The following NPAS3 variants were observed in gnomAD, a reference collection of about 807,000 sequenced individuals.
NPAS3 encodes the protein neuronal PAS domain-containing protein 3.
NPAS3 carries 14 observed loss-of-function variants against 73.1 expected under a neutral mutation model. The ratio of observed to expected loss-of-function variants is 0.19; its 90% CI spans 0.13 to 0.30. The LOEUF is 0.30. Ranked by LOEUF, NPAS3 falls within the 10% of genes least tolerant of loss-of-function variation. The pLI is 1.00. For synonymous variants in NPAS3, 620 were observed against 541.5 expected, an observed-to-expected ratio of 1.14 and a Z score of -2.01; for missense variants, 1,096 against 1,250.0, an observed-to-expected ratio of 0.88 and a Z score of 1.86.
At chr14:33,216,889 G>A (rs558249334) in intron 3 of NPAS3, among the ~76,000 whole-genome samples, 18 of 152,104 alleles carry the variant, frequency 1.2e-4, no homozygotes, top group South Asian at 2.1e-4. Flanking sequence ...AGGCACATTC[G>A]AGTTGTCCTT....
chr14:33,175,937 A>G (rs1348596329), intron 2 of NPAS3, among the ~76,000 whole-genome samples: 3 of 152,188 alleles, frequency 2.0e-5, no homozygotes, highest in African/African-American at 7.2e-5. Context: ...AAAAAAATCA[A>G]AAGTTACTTA....
At chr14:33,318,108 A>G (rs989780245) in intron 3 of NPAS3, among the ~76,000 whole-genome samples, 3 of 152,050 alleles carry the variant, frequency 2.0e-5, no homozygotes, top group Non-Finnish European at 2.9e-5. Context: ...TCATTGACAG[A>G]TGAATAGAAT....
chr14:33,221,870 G>A (rs929800523), intron 3 of NPAS3, among the ~76,000 whole-genome samples: 3 of 151,838 alleles, frequency 2.0e-5, no homozygotes, highest in South Asian at 2.1e-4. Context: ...ACTTTTCCTC[G>A]CCTATCACAA....
At chr14:33,470,920 T>C (rs2050750239) in intron 4 of NPAS3, among the ~76,000 whole-genome samples, 2 of 144,238 alleles carry the variant, frequency 1.4e-5, no homozygotes, top group Non-Finnish European at 3.0e-5. Flanking sequence ...ATGCGGGATT[T>C]GTAGAGCATA....
At chr14:33,220,528 T>C (rs1374957296) in intron 3 of NPAS3, among the ~76,000 whole-genome samples, 4 of 152,218 alleles carry the variant, frequency 2.6e-5, no homozygotes, top group Admixed American at 2.6e-4. Context: ...TTTATCTTAC[T>C]TTATTTTACA....
At chr14:33,301,322 ATTT>A (rs56242001) in intron 3 of NPAS3, among the ~76,000 whole-genome samples, 6 of 99,686 alleles carry the variant, frequency 6.0e-5, no homozygotes, top group South Asian at 2.9e-4. Flanking sequence ...ATATATATAT[ATTT>A]TTTTTTTTTA....
chr14:33,298,459 C>A (rs1350819148), intron 3 of NPAS3, among the ~76,000 whole-genome samples: 1 of 152,158 alleles, frequency 6.6e-6, no homozygotes, highest in Non-Finnish European at 1.5e-5. Context: ...TTAGAGACTC[C>A]TCTTTGTGAC....
Position 33,436,901 on chromosome 14 carries a change from A to T in NPAS3, c.468+69633A>T, listed in dbSNP as rs561869306. ...AAAACAACAACTCTTCCTTATTGAA[A>T]TTCTAGCTGTTGTGCCTTAATTTCC... On this transcript the variant is annotated intron_variant, in intron 4 of 11. Coordinates refer to ENST00000356141, the Ensembl canonical transcript of NPAS3. Among the ~76,000 whole-genome samples, 4 of 152,284 alleles carry T rather than the reference A, an allele frequency of 2.6e-5. No homozygotes were observed. In the South Asian group the frequency reaches 8.3e-4, roughly 32 times the overall value.
chr14:33,087,547 T>G (rs1454978552), intron 2 of NPAS3, among the ~76,000 whole-genome samples: 1 of 152,132 alleles, frequency 6.6e-6, no homozygotes, highest in Non-Finnish European at 1.5e-5. Context: ...GGAAATTCAT[T>G]TGTATTGGCT....
chr14:33,200,856 C>G (rs2046587447), intron 2 of NPAS3, among the ~76,000 whole-genome samples: 1 of 152,154 alleles, frequency 6.6e-6, no homozygotes, highest in South Asian at 2.1e-4. Flanking sequence ...CAGTGAGATC[C>G]AGTTTCCACT....
chr14:32,964,792 T>C (rs1412732734), intron 1 of NPAS3, among the ~76,000 whole-genome samples: 1 of 148,876 alleles, frequency 6.7e-6, no homozygotes, highest in South Asian at 2.2e-4. Flanking sequence ...TTGGGCAACA[T>C]AGCAAGACCC....
chr14:33,294,840 A>G lies in NPAS3; in HGVS notation c.386-72346A>G, dbSNP rs143882695. On this transcript the variant is annotated intron_variant, in intron 3 of 11. Coordinates refer to ENST00000356141, the Ensembl canonical transcript of NPAS3. ...GAGGGAGAGAGCTTTGGCAGATATC[A>G]GTGATGAGCATGACCTCAGATGGTC... 4.2e-3 allele frequency among the ~76,000 whole-genome samples: 638 copies of G among 152,276 alleles called. 7 individuals carry two copies. The highest frequency in any genetic ancestry group is 0.014 in the African/African-American group (577 of 41,552).
chr14:33,774,289 C>G (rs1274710859), intron 7 of NPAS3, 48 bp from the exon 8 acceptor site: 1 of 1,461,692 alleles, frequency 6.8e-7, no homozygotes, highest in African/African-American at 1.4e-5. Context: ...GCTGTTATAT[C>G]TGGGATGTAA....
intron 4 of NPAS3, among the ~76,000 whole-genome samples, chr14:33,545,337 C>A (rs1338083237): frequency 2.0e-5 from 3 of 152,158 alleles, no homozygotes; most frequent in African/African-American, 7.2e-5. Flanking sequence ...AGACATTCTT[C>A]CTAAATCAGG....
At chr14:33,328,058 A>G (rs1310982783) in intron 3 of NPAS3, among the ~76,000 whole-genome samples, 11 of 152,180 alleles carry the variant, frequency 7.2e-5, no homozygotes. Context: ...TTCTATTGGC[A>G]CTGGAAATAA....
At chr14:33,205,210 T>C (rs372996459) in intron 2 of NPAS3, among the ~76,000 whole-genome samples, 1 of 152,212 alleles carries the variant, frequency 6.6e-6, no homozygotes, top group African/African-American at 2.4e-5. Flanking sequence ...AATTGTATGA[T>C]CTCAACACAT....
chr14:33,159,571 T>TTTTTTA (rs2044775216), intron 2 of NPAS3, among the ~76,000 whole-genome samples: 2 of 150,336 alleles, frequency 1.3e-5, no homozygotes, highest in Admixed American at 6.6e-5. Context: ...TTTTTTTTTT[T>TTTTTTA]GAGATGGAGT....
chr14:33,367,674 G>A (rs1460139983), intron 4 of NPAS3, among the ~76,000 whole-genome samples: 2 of 149,700 alleles, frequency 1.3e-5, no homozygotes, highest in African/African-American at 2.5e-5. Context: ...TTTTTGTGTC[G>A]CCAAATTTCA....
At chr14:33,327,131 A>G (rs2043744513) in intron 3 of NPAS3, among the ~76,000 whole-genome samples, 1 of 152,228 alleles carries the variant, frequency 6.6e-6, no homozygotes, top group South Asian at 2.1e-4. Context: ...AAAATTGTTA[A>G]TATAGATATA....
Sources: allele counts gnomAD v4.1 joint callset (sites outside exome capture counted in the v4.1 genomes callset), GRCh38; gene constraint gnomAD v4.1.1; transcripts MANE v1.5; gene names NCBI Gene and HGNC (gene_info 2026-07-23, HGNC 2026-07-21).